The following PARP16 variants were observed in gnomAD, a reference collection of about 807,000 sequenced individuals.
PARP16 encodes protein mono-ADP-ribosyltransferase PARP16.
Under a neutral mutation model 35.0 loss-of-function variants are expected in PARP16, and 31 were observed. The observed-to-expected ratio is 0.88, with a 90% CI of 0.66 to 1.19. PARP16 has a LOEUF of 1.19. Among genes scored for constraint, PARP16 ranks in the 50% most tolerant of loss-of-function variants. The probability of loss-of-function intolerance (pLI) is 0.00; values close to 1 mark genes in which losing one functional copy is unlikely to be tolerated. For missense variants in PARP16, 424 were observed against 411.2 expected (o/e 1.03, Z -0.27); for synonymous variants, 162 against 169.5 (o/e 0.96, Z 0.34).
rs1555423774 is a variant in PARP16 at position 65,269,176 on chromosome 15, T to TTTCTTTCTTTCTTTCTTTCTTTC, written c.312+1758_312+1759insGAAAGAAAGAAAGAAAGAAAGAA. Among the ~76,000 whole-genome samples the TTTCTTTCTTTCTTTCTTTCTTTC allele has an allele frequency of 6.2e-5, 9 of 146,156 alleles. No homozygotes were observed. The East Asian group carries it at 1.9e-3, about 31-fold the overall frequency. On this transcript the variant is annotated intron_variant, in intron 2 of 5. Transcript: ENST00000649807. ...ACACCTGGCCCATTTTAGTCGGTTT[T>TTTCTTTCTTTCTTTCTTTCTTTC]TTTCTTTCTTTCTTTCTTTCTTTCT...
At chr15:65,231,309 T>C (rs772980561), downstream of PARP16, among the ~76,000 whole-genome samples, 1 of 152,346 alleles carries the variant, frequency 6.6e-6, no homozygotes, top group South Asian at 2.1e-4. Flanking sequence ...GATATGTGCA[T>C]GTGTGCGCAC....
At position 65,281,663 on chromosome 15, in the gene PARP16, C is replaced by T. The variant is rs967101666; in HGVS notation, c.174+4590G>A. On this transcript the variant is annotated intron_variant, in intron 1 of 5. Transcript: ENST00000649807. ...CCGAGACCGCGCCATTGCACTCCAGCCTGGGCAACAAGAGGGAAACTCCAT... is the reference window on the plus strand; with the variant it reads ...CCGAGACCGCGCCATTGCACTCCAGTCTGGGCAACAAGAGGGAAACTCCAT... Among the ~76,000 whole-genome samples, 6 of 150,808 alleles carry T rather than the reference C, an allele frequency of 4.0e-5. No individual in the cohort carries two copies. In the South Asian group the frequency reaches 1.1e-3, roughly 26 times the overall value.
chr15:65,254,578 G>C (rs1423094222), downstream of PARP16, among the ~76,000 whole-genome samples: 1 of 152,124 alleles, frequency 6.6e-6, no homozygotes, highest in African/African-American at 2.4e-5. Context: ...AGAGACAAGT[G>C]GGGGCTGTGG....
chr15:65,285,600 CT>C, intron 1 of PARP16: 2 of 263,482 alleles, frequency 7.6e-6, no homozygotes, highest in Non-Finnish European at 1.6e-5. Context: ...AGTTCAGTGT[CT>C]TTAATGAATA....
chr15:65,260,495 C>T (rs1047656458), intron 5 of PARP16, among the ~76,000 whole-genome samples: 3 of 152,206 alleles, frequency 2.0e-5, no homozygotes, highest in African/African-American at 7.2e-5. Flanking sequence ...CTGTGGGAAG[C>T]TACTGAGCCA....
At chr15:65,277,228 C>G (rs1254959620) in intron 1 of PARP16, among the ~76,000 whole-genome samples, 1 of 152,126 alleles carries the variant, frequency 6.6e-6, no homozygotes, top group Admixed American at 6.5e-5. Context: ...CCCACTGAGT[C>G]TTCAAGGTCA....
At chr15:65,278,820 C>T (rs929096249) in intron 1 of PARP16, among the ~76,000 whole-genome samples, 4 of 152,094 alleles carry the variant, frequency 2.6e-5, no homozygotes, top group Non-Finnish European at 4.4e-5. Context: ...GTCACAGTTA[C>T]TAGATGTGGG....
downstream of PARP16, among the ~76,000 whole-genome samples, chr15:65,256,333 G>C (rs2140806503): frequency 6.6e-6 from 1 of 151,608 alleles, no homozygotes; most frequent in Non-Finnish European, 1.5e-5. Flanking sequence ...CCACCAGCTA[G>C]AGTGATTTTT....
chr15:65,273,438 G>T (rs1468487424), intron 1 of PARP16, among the ~76,000 whole-genome samples: 1 of 152,080 alleles, frequency 6.6e-6, no homozygotes, highest in Non-Finnish European at 1.5e-5. Context: ...AGGAGGCTGG[G>T]GTGGATTTCT....
intron 3 of PARP16, among the ~76,000 whole-genome samples, chr15:65,236,670 G>A (rs151278664): frequency 1.8e-3 from 276 of 152,302 alleles, no homozygotes; most frequent in African/African-American, 5.8e-3. Flanking sequence ...TTGGACTTCC[G>A]CATAAAAGTT....
chr15:65,278,535 G>C (rs2090324760), intron 1 of PARP16, among the ~76,000 whole-genome samples: 1 of 152,174 alleles, frequency 6.6e-6, no homozygotes, highest in African/African-American at 2.4e-5. Context: ...TACTTTGGGT[G>C]AATAGGCCTC....
Position 65,270,934 on chromosome 15 carries a change from C to T in PARP16, c.312+1G>A. ...TGTGATGCTACGGACCAAAGTCTCACCTCTGCCTTCCCTGCACTGTGGATT... is the reference window on the plus strand; with the variant it reads ...TGTGATGCTACGGACCAAAGTCTCATCTCTGCCTTCCCTGCACTGTGGATT... On this transcript the variant is annotated splice_donor_variant, in intron 2 of 5. Transcript: ENST00000649807. LOFTEE classifies it high-confidence loss of function. 1 of 1,614,142 alleles carries T rather than the reference C, an allele frequency of 6.2e-7. No homozygotes were observed. The highest frequency in any genetic ancestry group is 8.5e-7 in the Non-Finnish European group (1 of 1,180,008).
At chr15:65,237,563 G>A (rs2088919057) in intron 3 of PARP16, among the ~76,000 whole-genome samples, 2 of 152,110 alleles carry the variant, frequency 1.3e-5, no homozygotes, top group Admixed American at 6.5e-5. Flanking sequence ...AGAAGAGGAG[G>A]AAGTAGTGTG....
rs1567008503 is a variant in PARP16, at chr15:65,240,312, T to TGTGTG, written c.*98-5490_*98-5489insCACAC. On this transcript the variant is annotated intron_variant and NMD_transcript_variant, in intron 3 of 3. Transcript: ENST00000559805. ...GCCTGGCTAGTGTGTGTGTGTGTGG[T>TGTGTG]GGGGGGGGCTAGTGTGTGTGTGTGT... Among the ~76,000 whole-genome samples the TGTGTG allele has an allele frequency of 6.0e-3, 616 of 102,246 alleles. 11 individuals carry two copies. The highest frequency in any genetic ancestry group is 0.011 in the Non-Finnish European group (499 of 45,344). 67.1% of individuals were successfully genotyped at this position (102,246 alleles called of 152,430 possible).
intron 1 of PARP16, among the ~76,000 whole-genome samples, chr15:65,275,639 C>T (rs1479448550): frequency 6.6e-6 from 1 of 151,934 alleles, no homozygotes; most frequent in Non-Finnish European, 1.5e-5. Flanking sequence ...GGAAGGTGAC[C>T]TCAAGTGAGG....
At chr15:65,277,924 T>A (rs888950025) in intron 1 of PARP16, among the ~76,000 whole-genome samples, 1 of 152,166 alleles carries the variant, frequency 6.6e-6, no homozygotes, top group Admixed American at 6.5e-5. Context: ...GAAATCACCA[T>A]CTAGGCAAGC....
chr15:65,249,678 G>C (rs113377368), intron 2 of PARP16, among the ~76,000 whole-genome samples: 138 of 152,348 alleles, frequency 9.1e-4, no homozygotes, highest in Admixed American at 1.6e-3. Context: ...AGGCAATCAG[G>C]GGGATTTGGC....
intron 2 of PARP16, among the ~76,000 whole-genome samples, chr15:65,251,076 G>T (rs1403426602): frequency 1.3e-5 from 2 of 152,078 alleles, no homozygotes; most frequent in East Asian, 3.9e-4. Context: ...TAGAGACGGG[G>T]TTTCACCATG....
intron 3 of PARP16, among the ~76,000 whole-genome samples, chr15:65,245,779 C>A (rs762125135): frequency 6.6e-6 from 1 of 152,090 alleles, no homozygotes; most frequent in African/African-American, 2.4e-5. Flanking sequence ...GGACCCTGGC[C>A]GTCAGCAGCT....
Sources: gnomAD v4.1 joint callset for allele counts (sites outside exome capture counted in the v4.1 genomes callset) on GRCh38, gnomAD v4.1.1 for gene constraint, MANE v1.5 for transcripts, NCBI Gene and HGNC (gene_info 2026-07-23, HGNC 2026-07-21) for gene names.